The following PTPN9 variants were observed in gnomAD, a reference collection of about 807,000 sequenced individuals.
PTPN9 encodes the protein protein tyrosine phosphatase non-receptor type 9.
In PTPN9, 26 loss-of-function variants were observed where a neutral mutation model predicts 69.8. The ratio of observed to expected loss-of-function variants is 0.37; its 90% CI spans 0.27 to 0.52. PTPN9 has a LOEUF of 0.52. PTPN9 is among the 20% of genes least tolerant of loss of function. PTPN9 has a pLI of 0.91. For synonymous variants in PTPN9, 274 were observed against 272.5 expected, an observed-to-expected ratio of 1.01 and a Z score of -0.05; for missense variants, 549 against 740.3, an observed-to-expected ratio of 0.74 and a Z score of 3.00.
At chr15:75,486,098 T>TC (rs2074675135) in intron 8 of PTPN9, among the ~76,000 whole-genome samples, 1 of 55,630 alleles carries the variant, frequency 1.8e-5, no homozygotes, top group Non-Finnish European at 2.9e-5. Context: ...AGACTCCAAC[T>TC]CAAAAAAAAA....
chr15:75,513,692 G>A (rs776886130), intron 5 of PTPN9, among the ~76,000 whole-genome samples: 25 of 152,002 alleles, frequency 1.6e-4, no homozygotes, highest in Non-Finnish European at 2.6e-4. Context: ...ACTTGAACCC[G>A]GGAGGCGGAG....
chr15:75,554,868 G>A (rs1169283301), intron 1 of PTPN9, among the ~76,000 whole-genome samples: 1 of 152,132 alleles, frequency 6.6e-6, no homozygotes, highest in Non-Finnish European at 1.5e-5. Context: ...GACTCTCAGG[G>A]CAACTAACAC....
intron 10 of PTPN9, among the ~76,000 whole-genome samples, chr15:75,471,191 C>T (rs1169655564): frequency 1.3e-5 from 2 of 151,906 alleles, no homozygotes; most frequent in Non-Finnish European, 2.9e-5. Flanking sequence ...ATCCCAGCTA[C>T]TTGGGAGGTT....
chr15:75,574,942 C>CAA (rs771896991), intron 1 of PTPN9, among the ~76,000 whole-genome samples: 4 of 27,036 alleles, frequency 1.5e-4, no homozygotes, highest in East Asian at 9.0e-4. Flanking sequence ...AACTCTGTCT[C>CAA]AAAAAAAAAA....
Position 75,480,698 on chromosome 15 carries a change from C to G in PTPN9, c.1063-784G>C. On this transcript the variant is annotated intron_variant, in intron 8 of 12. Transcript: ENST00000618819. ...CGCTGCCGCGACCGACCGCAGCCAC[C>G]GCCGCCCCACAGCCGGGAGGATGGA... is the stretch of plus-strand genomic sequence containing the variant. 6 of 1,304,734 alleles carry G rather than the reference C, an allele frequency of 4.6e-6. 1 individual carries two copies. In the South Asian group the frequency reaches 9.4e-5, roughly 20 times the overall value. 80.8% of individuals were successfully genotyped at this position (1,304,734 alleles called of 1,614,324 possible).
At chr15:75,541,291 G>A (rs1431350767) in intron 1 of PTPN9, among the ~76,000 whole-genome samples, 2 of 151,374 alleles carry the variant, frequency 1.3e-5, no homozygotes, top group East Asian at 2.0e-4. Flanking sequence ...CTCACCAGCC[G>A]AGACTGGTGT....
chr15:75,561,424 AG>A (rs1428141312), intron 1 of PTPN9, among the ~76,000 whole-genome samples: 4 of 151,976 alleles, frequency 2.6e-5, no homozygotes, highest in East Asian at 1.9e-4. Context: ...AAAACAGAAA[AG>A]GAAAAAAAAA....
intron 7 of PTPN9, among the ~76,000 whole-genome samples, chr15:75,500,088 C>T (rs1256488644): frequency 6.6e-6 from 1 of 151,908 alleles, no homozygotes; most frequent in African/African-American, 2.4e-5. Flanking sequence ...CCAAGGAGGA[C>T]GAATCACCCG....
chr15:75,494,677 A>G (rs2074730163), intron 7 of PTPN9, among the ~76,000 whole-genome samples: 1 of 151,612 alleles, frequency 6.6e-6, no homozygotes, highest in African/African-American at 2.4e-5. Context: ...TAAATGATCT[A>G]TTGTTTTTCT....
intron 5 of PTPN9, among the ~76,000 whole-genome samples, chr15:75,510,130 T>C (rs2074838737): frequency 6.6e-6 from 1 of 152,148 alleles, no homozygotes; most frequent in African/African-American, 2.4e-5. Flanking sequence ...ATGTGCACTA[T>C]GGCAAATGAG....
At chr15:75,561,491 T>C (rs1403456422) in intron 1 of PTPN9, among the ~76,000 whole-genome samples, 1 of 151,990 alleles carries the variant, frequency 6.6e-6, no homozygotes, top group African/African-American at 2.4e-5. Flanking sequence ...TTGTCCCAGA[T>C]ATTGATAGGC....
chr15:75,547,973 G>T (rs180862117), intron 1 of PTPN9, among the ~76,000 whole-genome samples: 1 of 151,678 alleles, frequency 6.6e-6, no homozygotes, highest in South Asian at 2.1e-4. Context: ...GCCCCTACTG[G>T]GTACAGAGTT....
At chr15:75,555,919 C>T (rs866144311) in intron 1 of PTPN9, among the ~76,000 whole-genome samples, 17 of 151,484 alleles carry the variant, frequency 1.1e-4, no homozygotes, top group Middle Eastern at 6.8e-3. Context: ...ATAATCCTAG[C>T]ACTTTGGGAG....
At chr15:75,530,220 A>AAAAG (rs1212456631) in intron 1 of PTPN9, among the ~76,000 whole-genome samples, 45 of 141,320 alleles carry the variant, frequency 3.2e-4, no homozygotes, top group African/African-American at 1.1e-3. Flanking sequence ...AAAAAAAAAG[A>AAAAG]AAAGAAAGAA....
chr15:75,507,713 G>A (rs948964941), intron 6 of PTPN9, among the ~76,000 whole-genome samples: 2 of 151,976 alleles, frequency 1.3e-5, no homozygotes, highest in African/African-American at 2.4e-5. Flanking sequence ...CTTGCAGTGA[G>A]CCGAGATCGC....
chr15:75,529,305 CATT>C (rs1047833564), intron 1 of PTPN9, among the ~76,000 whole-genome samples: 10 of 151,998 alleles, frequency 6.6e-5, no homozygotes, highest in Admixed American at 3.3e-4. Context: ...TTTTTGTAGG[CATT>C]CTACACTACT....
intron 9 of PTPN9, among the ~76,000 whole-genome samples, chr15:75,474,228 G>T (rs2074583851): frequency 6.6e-6 from 1 of 152,162 alleles, no homozygotes; most frequent in Non-Finnish European, 1.5e-5. Context: ...TTCAAAATTA[G>T]CTTTATCTTG....
intron 5 of PTPN9, among the ~76,000 whole-genome samples, chr15:75,512,287 CAT>C (rs1279033000): frequency 1.3e-5 from 2 of 151,658 alleles, no homozygotes. Flanking sequence ...ACTGCAGCCT[CAT>C]ATCCTGGGCT....
rs541229442 is a variant in PTPN9, at chr15:75,505,706, C to G, written c.937G>C (p.Glu313Gln). Reference sequence around the variant, plus strand: ...CAGTGGAAAGTGCCAACAGGGTTCTCACGACGAATGTCTTCATATTCCTCA... The same window carrying G: ...CAGTGGAAAGTGCCAACAGGGTTCTGACGACGAATGTCTTCATATTCCTCA... Reference protein sequence around the residue: ...IYEEYEDIRRENPVGTFHCSM... With the variant: ...IYEEYEDIRRQNPVGTFHCSM... The change falls in exon 7 of 13, where the codon GAG (glutamate) becomes CAG (glutamine). Residue 313 changes from glutamate (E) to glutamine (Q), a missense_variant. Physicochemically the swap from Glu to Gln is conservative, Grantham distance 29. This residue lies in a region of PTPN9 where 457 missense variants were observed against 661.9 expected (regional missense o/e 0.69). Coordinates refer to ENST00000618819, the MANE Select transcript of PTPN9 (RefSeq NM_002833.4). 2 of 1,613,882 alleles carry G rather than the reference C, an allele frequency of 1.2e-6. No individual in the cohort carries two copies. The highest frequency in any genetic ancestry group is 2.7e-5 in the African/African-American group (2 of 74,906).
Sources: allele counts gnomAD v4.1 joint callset (sites outside exome capture counted in the v4.1 genomes callset), GRCh38; gene constraint gnomAD v4.1.1; regional missense constraint gnomAD v4.1.1; transcripts MANE v1.5; gene names NCBI Gene and HGNC (gene_info 2026-07-23, HGNC 2026-07-21).